Variants in SPTB observed in about 807,000 individuals in gnomAD.
SPTB encodes the protein spectrin beta, erythrocytic.
SPTB carries 45 observed loss-of-function variants against 256.2 expected under a neutral mutation model. That is an observed-to-expected ratio of 0.18 (90% CI 0.14 to 0.23). The LOEUF (loss-of-function observed/expected upper bound fraction) is 0.23, where lower values mean the gene tolerates loss of function less well. Ranked by LOEUF, SPTB falls within the 10% of genes least tolerant of loss-of-function variation. The pLI, the probability that SPTB is intolerant of heterozygous loss-of-function variation, is 1.00. For missense variants in SPTB, 2,715 were observed against 3,040.4 expected (o/e 0.89, Z 2.52); for synonymous variants, 1,231 against 1,243.1 (o/e 0.99, Z 0.21).
At chr14:64,815,016 G>A (rs980319048) in intron 2 of SPTB, among the ~76,000 whole-genome samples, 4 of 138,562 alleles carry the variant, frequency 2.9e-5, no homozygotes, top group Non-Finnish European at 6.1e-5. Context: ...GGCAAGGTGT[G>A]TATGTGTGTG....
intron 1 of SPTB, among the ~76,000 whole-genome samples, chr14:64,842,420 G>A (rs1010061740): frequency 3.9e-5 from 6 of 152,152 alleles, no homozygotes; most frequent in African/African-American, 1.4e-4. Context: ...AGGGGGTAGT[G>A]GTTAGGTATA....
intron 24 of SPTB, among the ~76,000 whole-genome samples, chr14:64,773,832 G>A (rs1281765071): frequency 6.6e-6 from 1 of 152,212 alleles, no homozygotes; most frequent in Non-Finnish European, 1.5e-5. Context: ...AGACAATGTG[G>A]CTCCCAGGGA....
At chr14:64,828,383 G>A (rs1358964390) in intron 1 of SPTB, among the ~76,000 whole-genome samples, 3 of 152,312 alleles carry the variant, frequency 2.0e-5, no homozygotes, top group East Asian at 3.9e-4. Context: ...CAGCTCTGAT[G>A]TAGGGACTGG....
intron 1 of SPTB, among the ~76,000 whole-genome samples, chr14:64,848,395 G>A (rs2083727217): frequency 6.6e-6 from 1 of 152,226 alleles, no homozygotes; most frequent in East Asian, 1.9e-4. Flanking sequence ...TCAAGCCTGT[G>A]TAGAGAGCTG....
intron 27 of SPTB, 135 bp downstream of exon 27, chr14:64,770,750 T>C (rs764482142): frequency 2.9e-6 from 4 of 1,396,078 alleles, no homozygotes; most frequent in Non-Finnish European, 4.0e-6. Flanking sequence ...AGGCCTCAAG[T>C]GTCCCCCAGG....
In SPTB at chr14:64,853,231, A is replaced by C; in HGVS notation, c.-52+26561T>G. ...AACCTGTGGAAATGAATGGCTGGAG[A>C]CCAGAGAAATTTAGAGTCATTATCA... On this transcript the variant is annotated intron_variant, in intron 1 of 35. Coordinates refer to ENST00000644917, the MANE Select transcript of SPTB (RefSeq NM_001355436.2). This position sits in a 1 kb window ranked among gnomAD's most constrained non-coding sequence, Gnocchi z 4.3. Among the ~76,000 whole-genome samples, 1 of 152,208 alleles carries C rather than the reference A, an allele frequency of 6.6e-6. No individual in the cohort carries two copies. Among genetic ancestry groups the C allele is most frequent in the Non-Finnish European group, 1.5e-5 (1 of 68,038 alleles).
In SPTB at chr14:64,793,450, T is replaced by C. The variant is rs536482067; in HGVS notation, c.2213A>G (p.Asn738Ser). 6.2e-7 allele frequency: 1 copy of C among 1,613,802 alleles called. No homozygotes were observed. The highest frequency in any genetic ancestry group is 2.2e-5 in the East Asian group (1 of 44,878). ...GAAAAAGTTCTCAGCATCCTGGAGGTTCTTCTTGCAGAAGGCAGCCAGGTC... is the reference window on the plus strand; with the variant it reads ...GAAAAAGTTCTCAGCATCCTGGAGGCTCTTCTTGCAGAAGGCAGCCAGGTC... Reference protein sequence around the residue: ...LKDLAAFCKKNLQDAENFFQF... With the variant: ...LKDLAAFCKKSLQDAENFFQF... The change falls in exon 14 of 36, where the codon AAC becomes AGC. Residue 738 changes from asparagine to serine, a missense_variant. By Grantham distance (46) the Asn-to-Ser change is conservative. Around this residue, in one of 4 missense-constraint regions of SPTB, gnomAD observed 2,239 missense variants for 2,384.4 expected, o/e 0.94. Transcript: ENST00000644917. This position sits in a 1 kb window ranked among gnomAD's most constrained non-coding sequence, Gnocchi z 7.0.
chr14:64,868,163 G>T (rs1055750882), intron 1 of SPTB, among the ~76,000 whole-genome samples: 2 of 152,192 alleles, frequency 1.3e-5, no homozygotes, highest in African/African-American at 4.8e-5. Context: ...TAATTCTGAG[G>T]TCAGGGTGTG....
At chr14:64,766,064 G>A in intron 32 of SPTB, among the ~76,000 whole-genome samples, 1 of 100,704 alleles carries the variant, frequency 9.9e-6, no homozygotes, top group Non-Finnish European at 2.0e-5. Context: ...AGGTGTGTAT[G>A]GGGGGTGTGG....
At position 64,772,968 on chromosome 14, in the gene SPTB, A is replaced by G. The variant is rs1380890959; in HGVS notation, c.5179-14T>C. ...GTCCCGCAGAAGCTAGGCATGGGGC[A>G]GACAGAAATGTGGTTATGGGGGGCA... On this transcript the variant is annotated splice_polypyrimidine_tract_variant and intron_variant, in intron 25 of 35. Coordinates refer to ENST00000644917, the MANE Select transcript of SPTB (RefSeq NM_001355436.2). This position sits in a 1 kb window ranked among gnomAD's most constrained non-coding sequence, Gnocchi z 5.4. 1.3e-6 allele frequency: 2 copies of G among 1,596,222 alleles called. No individual in the cohort carries two copies. The highest frequency in any genetic ancestry group is 2.7e-5 in the African/African-American group (2 of 74,902).
chr14:64,797,467 CAAAAAAAAAAAAAA>C (rs57385615), intron 10 of SPTB, among the ~76,000 whole-genome samples: 35 of 31,008 alleles, frequency 1.1e-3, no homozygotes, highest in Admixed American at 3.2e-3. Context: ...ACCCTGTCTC[CAAAAAAAAAAAAAA>C]AAAAAAAAAA....
intron 1 of SPTB, among the ~76,000 whole-genome samples, chr14:64,830,373 A>ATTG (rs2083436615): frequency 1.5e-5 from 1 of 65,982 alleles, no homozygotes; most frequent in African/African-American, 8.0e-5. Flanking sequence ...TATTATTATT[A>ATTG]TTATTATTTT....
intron 9 of SPTB, among the ~76,000 whole-genome samples, chr14:64,798,540 T>A (rs1001841703): frequency 4.6e-5 from 7 of 152,232 alleles, no homozygotes; most frequent in African/African-American, 1.7e-4. Context: ...ATCCTTGACC[T>A]GGCAGTCAAG....
rs544342920 is a variant in SPTB at position 64,756,253 on chromosome 14, G to T, written c.6346-2460C>A. The stretch of plus-strand genomic sequence containing the variant: ...TGCTGCTTCCCAGGCGGACCTGCTG[G>T]CTCCTCTCTTGGAGTCTACTTCAAT... On this transcript the variant is annotated intron_variant, in intron 32 of 35. Coordinates refer to ENST00000644917, the MANE Select transcript of SPTB (RefSeq NM_001355436.2). The T allele has an allele frequency of 2.6e-5, 4 of 152,356 alleles. No individual in the cohort carries two copies. The East Asian group carries it at 7.7e-4, about 29-fold the overall frequency. The allele number at this position is 152,356 out of a possible 1,614,324, so 9.4% of individuals were successfully genotyped here.
intron 1 of SPTB, among the ~76,000 whole-genome samples, chr14:64,833,184 G>A (rs1400635773): frequency 2.0e-5 from 3 of 152,126 alleles, no homozygotes; most frequent in Non-Finnish European, 2.9e-5. Flanking sequence ...TCCTAAGCCC[G>A]AAAAATCCTC....
At chr14:64,860,336 T>C (rs2083947754) in intron 1 of SPTB, among the ~76,000 whole-genome samples, 2 of 152,224 alleles carry the variant, frequency 1.3e-5, no homozygotes, top group African/African-American at 4.8e-5. Context: ...CTTTCCCTGC[T>C]TCTACAGAAC....
At chr14:64,848,199 CT>C (rs773962961) in intron 1 of SPTB, among the ~76,000 whole-genome samples, 1 of 152,198 alleles carries the variant, frequency 6.6e-6, no homozygotes, top group Non-Finnish European at 1.5e-5. Flanking sequence ...AGGTAGAAAT[CT>C]GTTTAGAGGC....
rs139012004 is a variant in SPTB at position 64,752,787 on chromosome 14, C to T, written c.6602+750G>A. 4.4e-3 allele frequency among the ~76,000 whole-genome samples: 667 copies of T among 152,300 alleles called. 2 individuals carry two copies. Among genetic ancestry groups the T allele is most frequent in the Middle Eastern group, 0.02 (6 of 294 alleles). On this transcript the variant is annotated intron_variant, in intron 33 of 35. Coordinates refer to ENST00000644917, the MANE Select transcript of SPTB (RefSeq NM_001355436.2). ...GTCCCCCAGACACATCCTGCATGCT[C>T]ATGCTGCCAGCTGTCCCTGGGAATA...
chr14:64,829,264 G>C (rs187801453), intron 1 of SPTB, among the ~76,000 whole-genome samples: 1 of 152,212 alleles, frequency 6.6e-6, no homozygotes, highest in Admixed American at 6.5e-5. Flanking sequence ...AACCCAGAAT[G>C]TAGGGCATTC....
Sources: allele counts gnomAD v4.1 joint callset (sites outside exome capture counted in the v4.1 genomes callset), GRCh38; gene constraint gnomAD v4.1.1; regional missense constraint gnomAD v4.1.1; non-coding constraint Gnocchi (gnomAD v3.1); transcripts MANE v1.5; gene names NCBI Gene and HGNC (gene_info 2026-07-23, HGNC 2026-07-21).